KCNK3: variants seen among roughly 807,000 people sequenced by gnomAD.
KCNK3 encodes the protein potassium channel subfamily K member 3.
Under a neutral mutation model 27.3 loss-of-function variants are expected in KCNK3, and 9 were observed. The observed-to-expected ratio is 0.33, with a 90% CI of 0.20 to 0.57. The LOEUF is 0.57. Ranked by LOEUF, KCNK3 falls within the 20% of genes least tolerant of loss-of-function variation. The pLI, the probability that KCNK3 is intolerant of heterozygous loss-of-function variation, is 0.87. For missense variants in KCNK3, 391 were observed against 577.7 expected (o/e 0.68, Z 3.31); for synonymous variants, 278 against 273.8 (o/e 1.02, Z -0.15).
intron 1 of KCNK3, among the ~76,000 whole-genome samples, chr2:26,697,178 T>G (rs1184888916): frequency 6.6e-6 from 1 of 152,084 alleles, no homozygotes; most frequent in Admixed American, 6.5e-5. Flanking sequence ...TGCCCTGAAT[T>G]TTTCACGAAT....
chr2:26,724,987 C>T (rs1663388219), intron 1 of KCNK3, among the ~76,000 whole-genome samples: 1 of 152,062 alleles, frequency 6.6e-6, no homozygotes, highest in Non-Finnish European at 1.5e-5. Context: ...GGATGTGTGG[C>T]TCCTTGAAGC....
chr2:26,692,978 C>T lies in KCNK3; in HGVS notation c.103C>T (p.Leu35=). The change falls in exon 1 of 2, where the codon CTG becomes TTG. Residue 35 remains leucine (L), a synonymous_variant. Transcript: ENST00000302909. The surrounding 1 kb of genome is among the most constrained non-coding windows in gnomAD (Gnocchi z 5.6). Reference sequence around the variant, plus strand: ...CGACGCGCTGGAGTCGGAGCCCGAGCTGATCGAGCGGCAGCGGCTGGAGCT... The same window carrying T: ...CGACGCGCTGGAGTCGGAGCCCGAGTTGATCGAGCGGCAGCGGCTGGAGCT... ...VFDALESEPE[L]IERQRLELRQ... is the part of the protein sequence containing the mutation. The T allele has an allele frequency of 6.4e-7, 1 of 1,572,966 alleles. No individual in the cohort carries two copies.
chr2:26,713,554 C>T (rs545079438), intron 1 of KCNK3, among the ~76,000 whole-genome samples: 5 of 151,878 alleles, frequency 3.3e-5, no homozygotes, highest in Admixed American at 2.0e-4. Flanking sequence ...CCGAGGCGGG[C>T]GGATCCCCTG....
rs1226792189 is a variant in KCNK3, at chr2:26,728,231, A to G, written c.848A>G (p.Asp283Gly). 9.6e-6 allele frequency: 15 copies of G among 1,570,390 alleles called. No individual in the cohort carries two copies. Among genetic ancestry groups the G allele is most frequent in the Non-Finnish European group, 1.3e-5 (15 of 1,158,070 alleles). ...GGGGGSAHTT[D>G]TASSTAAAGG... ...GGGGGTGGCAGCGCGCACACTACGG[A>G]CACCGCCTCATCCACGGCGGCAGCG... The change falls in exon 2 of 2, where the codon GAC (aspartate) becomes GGC (glycine). Residue 283 changes from aspartate to glycine, a missense_variant. Coordinates refer to ENST00000302909, the MANE Select transcript of KCNK3 (RefSeq NM_002246.3).
chr2:26,700,822 C>T (rs944063517), intron 1 of KCNK3, among the ~76,000 whole-genome samples: 1 of 152,174 alleles, frequency 6.6e-6, no homozygotes, highest in Non-Finnish European at 1.5e-5. Context: ...CTGTCTGTCT[C>T]TTTGCTGGCT....
At chr2:26,725,929 T>C (rs1012831560) in intron 1 of KCNK3, among the ~76,000 whole-genome samples, 20 of 152,160 alleles carry the variant, frequency 1.3e-4, no homozygotes, top group Admixed American at 1.2e-3. Flanking sequence ...TTAATCACAG[T>C]GAGCCATTAT....
chr2:26,721,824 G>A lies in KCNK3; in HGVS notation c.284-5843G>A, dbSNP rs148408288. Among the ~76,000 whole-genome samples the A allele has an allele frequency of 5.8e-3, 884 of 152,312 alleles. 5 individuals are homozygous for A. Among genetic ancestry groups the A allele is most frequent in the African/African-American group, 0.02 (839 of 41,552 alleles). On this transcript the variant is annotated intron_variant, in intron 1 of 1. Coordinates refer to ENST00000302909, the MANE Select transcript of KCNK3 (RefSeq NM_002246.3). The surrounding 1 kb of genome is among the most constrained non-coding windows in gnomAD (Gnocchi z 4.3). ...CAGGTCCCTCATCCACCTTCCCTCA[G>A]GACAAACATTAGCCCAGCCATTGCC...
chr2:26,713,453 A>C (rs1408134437), intron 1 of KCNK3, among the ~76,000 whole-genome samples: 1 of 152,146 alleles, frequency 6.6e-6, no homozygotes, highest in African/African-American at 2.4e-5. Context: ...AAGGTTTCTG[A>C]GTGGTGAATG....
rs192366291 is a variant in KCNK3, at chr2:26,695,297, G to A, written c.283+2139G>A. Among the ~76,000 whole-genome samples, 382 of 152,112 alleles carry A rather than the reference G, an allele frequency of 2.5e-3. 3 individuals carry two copies. The highest frequency in any genetic ancestry group is 6.8e-3 in the Middle Eastern group (2 of 294). On this transcript the variant is annotated intron_variant, in intron 1 of 1. Coordinates refer to ENST00000302909, the MANE Select transcript of KCNK3 (RefSeq NM_002246.3). The stretch of plus-strand genomic sequence containing the variant: ...AATGCAGTGGTGTAATCATAGTTCA[G>A]CACAACCTCAAACCCCTGGCCTCAA...
intron 1 of KCNK3, among the ~76,000 whole-genome samples, chr2:26,715,786 G>A (rs576146070): frequency 2.6e-4 from 40 of 152,298 alleles, no homozygotes; most frequent in Non-Finnish European, 5.0e-4. Flanking sequence ...TGGCCAGGCC[G>A]GCCCCAGGTC....
At chr2:26,699,932 A>G (rs920152558) in intron 1 of KCNK3, among the ~76,000 whole-genome samples, 1 of 152,194 alleles carries the variant, frequency 6.6e-6, no homozygotes, top group Admixed American at 6.5e-5. Flanking sequence ...GTATTTCTTC[A>G]TGGAGTCATG....
chr2:26,726,311 A>G (rs1320840), intron 1 of KCNK3, among the ~76,000 whole-genome samples: 60,984 of 151,990 alleles, frequency 0.4, 14,629 homozygotes, highest in Non-Finnish European at 0.53. Flanking sequence ...GTTTAGCTCT[A>G]TGTAGTTGGG....
intron 1 of KCNK3, among the ~76,000 whole-genome samples, chr2:26,716,139 C>T (rs932309155): frequency 6.6e-6 from 1 of 152,178 alleles, no homozygotes; most frequent in African/African-American, 2.4e-5. Context: ...GTGAAGAGTC[C>T]CGGGGCAGCC....
At chr2:26,708,597 T>C (rs1012970954) in intron 1 of KCNK3, among the ~76,000 whole-genome samples, 4 of 152,178 alleles carry the variant, frequency 2.6e-5, no homozygotes, top group African/African-American at 7.2e-5. Context: ...AAGAAGCTCT[T>C]GAACCTGGGA....
intron 1 of KCNK3, among the ~76,000 whole-genome samples, chr2:26,697,696 C>G (rs549742913): frequency 3.9e-5 from 6 of 152,184 alleles, no homozygotes; most frequent in African/African-American, 1.4e-4. Context: ...TCCTGGGAAT[C>G]TTTTTGGCTC....
chr2:26,694,106 T>C (rs540412705), intron 1 of KCNK3, among the ~76,000 whole-genome samples: 1 of 152,110 alleles, frequency 6.6e-6, no homozygotes, highest in Non-Finnish European at 1.5e-5. Flanking sequence ...CCCAACACCC[T>C]ATGATTTCAG....
At chr2:26,696,212 C>G (rs1670233251) in intron 1 of KCNK3, among the ~76,000 whole-genome samples, 1 of 152,228 alleles carries the variant, frequency 6.6e-6, no homozygotes, top group South Asian at 2.1e-4. Context: ...TGTCATGATT[C>G]TCAGTCTTCA....
At position 26,692,822 on chromosome 2, in the gene KCNK3, G is replaced by A; in HGVS notation, c.-54G>A. On this transcript the variant is annotated 5_prime_UTR_variant, in exon 1 of 2. Coordinates refer to ENST00000302909, the MANE Select transcript of KCNK3 (RefSeq NM_002246.3). This position sits in a 1 kb window ranked among gnomAD's most constrained non-coding sequence, Gnocchi z 5.6. ...CCGGGGCAGCAGCAGCGGCGGCCGG[G>A]GCCGAGGCGCGGGCCGGGGGCGCCG... The A allele has an allele frequency of 9.9e-7, 1 of 1,010,600 alleles. No individual in the cohort carries two copies. The highest frequency in any genetic ancestry group is 1.2e-6 in the Non-Finnish European group (1 of 837,790). The allele number at this position is 1,010,600 out of a possible 1,614,324, so 62.6% of individuals were successfully genotyped here. A position where few individuals can be genotyped will look rare whatever the true frequency, so the allele number is the denominator to read the frequency against.
rs1663544067 is a variant in KCNK3, at chr2:26,731,666, T to C, written c.*3098T>C. On this transcript the variant is annotated 3_prime_UTR_variant, in exon 2 of 2. Coordinates refer to ENST00000302909, the MANE Select transcript of KCNK3 (RefSeq NM_002246.3). ...CTGTGGGCGACACTGGCTTCCCTTT[T>C]GGGATTTCCCAGAAGATCCAGATTT... 6.6e-6 allele frequency: 1 copy of C among 152,246 alleles called. No individual in the cohort carries two copies. The highest frequency in any genetic ancestry group is 1.9e-4 in the East Asian group (1 of 5,198). 9.4% of individuals were successfully genotyped at this position (152,246 alleles called of 1,614,324 possible). A position where few individuals can be genotyped will look rare whatever the true frequency, so the allele number is the denominator to read the frequency against.
Sources: gnomAD v4.1 joint callset for allele counts (sites outside exome capture counted in the v4.1 genomes callset) on GRCh38, gnomAD v4.1.1 for gene constraint, Gnocchi (gnomAD v3.1) non-coding constraint, MANE v1.5 for transcripts, NCBI Gene and HGNC (gene_info 2026-07-23, HGNC 2026-07-21) for gene names.